SGCD: variants seen among roughly 807,000 people sequenced by gnomAD.
SGCD encodes the protein delta-sarcoglycan.
Under a neutral mutation model 36.6 loss-of-function variants are expected in SGCD, and 18 were observed. That is an observed-to-expected ratio of 0.49 (90% CI 0.34 to 0.73). The LOEUF (loss-of-function observed/expected upper bound fraction) is 0.73, where lower values mean the gene tolerates loss of function less well. Among genes scored for constraint, SGCD ranks in the 30% least tolerant of loss-of-function variants. The probability of loss-of-function intolerance (pLI) is 0.01; values close to 1 mark genes in which losing one functional copy is unlikely to be tolerated. For synonymous variants in SGCD, 133 were observed against 130.6 expected (o/e 1.02, Z -0.12); for missense variants, 387 against 346.7 (o/e 1.12, Z -0.92).
chr5:156,059,891 T>G (rs1266129912), intron 1 of SGCD, among the ~76,000 whole-genome samples: 1 of 146,726 alleles, frequency 6.8e-6, no homozygotes, highest in Non-Finnish European at 1.5e-5. Flanking sequence ...TTTCTCTTCC[T>G]CTTTTCTTTT....
At chr5:155,904,092 TA>T (rs768600587) in intron 1 of SGCD, among the ~76,000 whole-genome samples, 3 of 152,190 alleles carry the variant, frequency 2.0e-5, no homozygotes, top group Non-Finnish European at 4.4e-5. Context: ...AGTGTGAAAA[TA>T]GGCATCTTCA....
chr5:156,409,847 G>A (rs1423314695), intron 3 of SGCD, among the ~76,000 whole-genome samples: 4 of 151,958 alleles, frequency 2.6e-5, no homozygotes, highest in African/African-American at 7.3e-5. Context: ...CTTTTTACTG[G>A]AACAAGGACC....
intron 4 of SGCD, among the ~76,000 whole-genome samples, chr5:156,528,493 T>A (rs1757737071): frequency 5.3e-5 from 8 of 152,162 alleles, no homozygotes; most frequent in Admixed American, 5.2e-4. Context: ...TCTCTTAGGA[T>A]CTTTCTGACT....
intron 6 of SGCD, among the ~76,000 whole-genome samples, chr5:156,631,070 C>G (rs1476189162): frequency 6.6e-6 from 1 of 152,130 alleles, no homozygotes; most frequent in African/African-American, 2.4e-5. Flanking sequence ...TAGGTCCTCC[C>G]AGAAACTGAG....
chr5:155,834,856 G>C, the SGCD span, among the ~76,000 whole-genome samples: 4 of 148,756 alleles, frequency 2.7e-5, no homozygotes, highest in Admixed American at 6.7e-5. Flanking sequence ...TTTTTCGTGA[G>C]ACGGACTCTC....
intron 3 of SGCD, among the ~76,000 whole-genome samples, chr5:156,229,253 C>T (rs7730482): frequency 2.4e-4 from 16 of 66,348 alleles, no homozygotes; most frequent in African/African-American, 1.0e-3. Context: ...TATATATATA[C>T]ATACATACAT....
intron 3 of SGCD, among the ~76,000 whole-genome samples, chr5:156,390,112 A>T (rs1771484362): frequency 6.6e-6 from 1 of 152,194 alleles, no homozygotes; most frequent in Non-Finnish European, 1.5e-5. Context: ...ACATACAATT[A>T]TGTATGGTAC....
rs1421783105 is a variant in SGCD at position 156,262,310 on chromosome 5, T to C, written c.-43-67224T>C. On this transcript the variant is annotated intron_variant, in intron 3 of 9. Coordinates refer to the SGCD transcript ENST00000517913. ...CTATGATTAGATATGTTTAGGTACA[T>C]AAATTCTTATCATTGCATTACAGTT... Among the ~76,000 whole-genome samples the C allele has an allele frequency of 5.3e-5, 8 of 152,268 alleles. No homozygotes were observed. In the South Asian group the frequency reaches 1.4e-3, roughly 28 times the overall value.
At chr5:156,470,907 A>G (rs1196183859) in intron 3 of SGCD, among the ~76,000 whole-genome samples, 1 of 152,254 alleles carries the variant, frequency 6.6e-6, no homozygotes, top group African/African-American at 2.4e-5. Flanking sequence ...TGACTAAAGT[A>G]TACAGAAGTA....
intron 1 of SGCD, among the ~76,000 whole-genome samples, chr5:156,061,931 T>A (rs1318756701): frequency 4.4e-5 from 5 of 112,638 alleles, no homozygotes; most frequent in African/African-American, 1.7e-4. Context: ...TTTTTTTTTT[T>A]TTTTTTTTTT....
the SGCD span, among the ~76,000 whole-genome samples, chr5:155,834,928 C>T: frequency 0.09 from 13,616 of 150,678 alleles, 796 homozygotes; most frequent in South Asian, 0.2. Context: ...CTCTGCTTCC[C>T]AGACTCAAAC....
At chr5:156,194,220 A>T (rs1269122070) in intron 3 of SGCD, among the ~76,000 whole-genome samples, 2 of 152,080 alleles carry the variant, frequency 1.3e-5, no homozygotes, top group African/African-American at 2.4e-5. Context: ...TACCACAAAA[A>T]ATACAAAAAT....
At chr5:156,118,686 T>C (rs1240913322) in intron 2 of SGCD, among the ~76,000 whole-genome samples, 1 of 152,144 alleles carries the variant, frequency 6.6e-6, no homozygotes, top group African/African-American at 2.4e-5. Flanking sequence ...TGACATTTTT[T>C]CCAAAGTTCC....
intron 3 of SGCD, among the ~76,000 whole-genome samples, chr5:156,191,273 C>T (rs1026024812): frequency 1.3e-5 from 2 of 152,022 alleles, no homozygotes; most frequent in Non-Finnish European, 2.9e-5. Context: ...TTGAAGACAT[C>T]AAAGTATAAT....
At chr5:156,318,838 C>T (rs556140750) in intron 3 of SGCD, among the ~76,000 whole-genome samples, 4 of 152,224 alleles carry the variant, frequency 2.6e-5, no homozygotes, top group East Asian at 1.9e-4. Flanking sequence ...TCAGGTGATC[C>T]GCCTGCCTTG....
intron 1 of SGCD, among the ~76,000 whole-genome samples, chr5:155,888,026 A>C (rs1404788276): frequency 3.9e-5 from 6 of 152,206 alleles, no homozygotes; most frequent in Non-Finnish European, 8.8e-5. Context: ...GCAGAGCTGT[A>C]ATTTACATTC....
intron 1 of SGCD, among the ~76,000 whole-genome samples, chr5:155,877,335 AGT>A (rs1321838427): frequency 6.6e-6 from 1 of 152,144 alleles, no homozygotes; most frequent in Non-Finnish European, 1.5e-5. Flanking sequence ...AACTTAAATG[AGT>A]GTGAAGAATA....
intron 1 of SGCD, among the ~76,000 whole-genome samples, chr5:155,986,567 T>A (rs961178674): frequency 6.6e-6 from 1 of 151,814 alleles, no homozygotes; most frequent in Non-Finnish European, 1.5e-5. Flanking sequence ...TTTTGAGGGG[T>A]AGGAGGGATA....
intron 7 of SGCD, among the ~76,000 whole-genome samples, chr5:156,656,078 G>A (rs1196824976): frequency 6.6e-6 from 1 of 152,114 alleles, no homozygotes; most frequent in African/African-American, 2.4e-5. Context: ...TTAAAAAAGA[G>A]AGAAAGTTAT....
Sources: allele counts gnomAD v4.1 joint callset (sites outside exome capture counted in the v4.1 genomes callset), GRCh38; gene constraint gnomAD v4.1.1; transcripts MANE v1.5; gene names NCBI Gene and HGNC (gene_info 2026-07-23, HGNC 2026-07-21).